The following GPBP1L1 variants were observed in gnomAD, a reference collection of about 807,000 sequenced individuals.
GPBP1L1 encodes the protein GC-rich promoter binding protein 1 like 1, also known as vasculin-like protein 1.
Under a neutral mutation model 52.5 loss-of-function variants are expected in GPBP1L1, and 23 were observed. That is an observed-to-expected ratio of 0.44 (90% CI 0.32 to 0.62). The LOEUF is 0.62. Ranked by LOEUF, GPBP1L1 falls within the 20% of genes least tolerant of loss-of-function variation. The pLI, the probability that GPBP1L1 is intolerant of heterozygous loss-of-function variation, is 0.06. For synonymous variants in GPBP1L1, 243 were observed against 203.1 expected, an observed-to-expected ratio of 1.20 and a Z score of -1.67; for missense variants, 596 against 579.3, an observed-to-expected ratio of 1.03 and a Z score of -0.30.
At chr1:45,643,657 G>GTTTTT (rs1644702864) in intron 6 of GPBP1L1, among the ~76,000 whole-genome samples, 1 of 123,546 alleles carries the variant, frequency 8.1e-6, no homozygotes, top group Admixed American at 8.4e-5. Context: ...TAGGAGAATG[G>GTTTTT]CTTTTTTTTT....
intron 2 of GPBP1L1, among the ~76,000 whole-genome samples, chr1:45,679,983 G>C (rs898335592): frequency 6.6e-6 from 1 of 151,580 alleles, no homozygotes; most frequent in African/African-American, 2.4e-5. Context: ...ATGAAGCTGA[G>C]GTGGGAGGAT....
In GPBP1L1 at chr1:45,627,729, A is replaced by C. The variant is rs546360092; in HGVS notation, c.*527T>G. 2,602 of 139,206 alleles carry C rather than the reference A, an allele frequency of 0.019. 35 individuals carry two copies. Among genetic ancestry groups the C allele is most frequent in the South Asian group, 0.031 (129 of 4,134 alleles). The allele number at this position is 139,206 out of a possible 1,614,324, so 8.6% of individuals were successfully genotyped here. ...CTGTACCCAAAAAGGAAAAAGAAAA[A>C]AAAAACAAAAAAAAACAACCAAAAA... On this transcript the variant is annotated 3_prime_UTR_variant, in exon 13 of 13. Transcript: ENST00000355105.
At chr1:45,667,178 C>G (rs11211158) in intron 2 of GPBP1L1, among the ~76,000 whole-genome samples, 43,324 of 151,764 alleles carry the variant, frequency 0.29, 6,255 homozygotes, top group South Asian at 0.37. Context: ...TTTTTAATTG[C>G]TTATGATGGT....
intron 2 of GPBP1L1, among the ~76,000 whole-genome samples, chr1:45,667,164 C>T (rs1190912072): frequency 1.3e-5 from 2 of 152,100 alleles, no homozygotes; most frequent in Admixed American, 6.5e-5. Context: ...TGGAATTGCA[C>T]ACTTTTTTAA....
chr1:45,657,774 G>C (rs899083996), intron 4 of GPBP1L1, among the ~76,000 whole-genome samples: 5 of 152,132 alleles, frequency 3.3e-5, no homozygotes, highest in Admixed American at 2.6e-4. Context: ...GATTGCTTGA[G>C]CCCGGGAGTT....
chr1:45,649,523 A>C (rs1169253725), intron 6 of GPBP1L1, among the ~76,000 whole-genome samples: 8 of 151,800 alleles, frequency 5.3e-5, no homozygotes, highest in Non-Finnish European at 1.0e-4. Flanking sequence ...TCTTTTGTAG[A>C]ATCCTCAATT....
chr1:45,642,342 TA>T, intron 7 of GPBP1L1, 84 bp downstream of exon 7: 1 of 880,060 alleles, frequency 1.1e-6, no homozygotes, highest in Non-Finnish European at 1.9e-6. Flanking sequence ...AAACAAGAGA[TA>T]AAAAGAGATA....
chr1:45,630,424 A>AG, intron 11 of GPBP1L1, 58 bp downstream of exon 11: 1 of 1,578,016 alleles, frequency 6.3e-7, no homozygotes, highest in Non-Finnish European at 8.6e-7. Flanking sequence ...CTTCTCCAGT[A>AG]TGTTCAAGGT....
At chr1:45,673,408 A>C (rs1414664005) in intron 2 of GPBP1L1, among the ~76,000 whole-genome samples, 1 of 152,174 alleles carries the variant, frequency 6.6e-6, no homozygotes, top group African/African-American at 2.4e-5. Context: ...CACACTTGTA[A>C]GCTACCATGA....
chr1:45,659,348 C>T (rs1644920183), intron 3 of GPBP1L1, among the ~76,000 whole-genome samples: 1 of 152,092 alleles, frequency 6.6e-6, no homozygotes, highest in South Asian at 2.1e-4. Flanking sequence ...CAAAAGAAAA[C>T]TGTAACATGA....
At chr1:45,671,611 G>T (rs1351146811) in intron 2 of GPBP1L1, among the ~76,000 whole-genome samples, 1 of 152,094 alleles carries the variant, frequency 6.6e-6, no homozygotes, top group Admixed American at 6.5e-5. Context: ...TTGAGCTCAG[G>T]AGTTTGAAAT....
At chr1:45,652,057 C>G (rs1394828587) in intron 6 of GPBP1L1, among the ~76,000 whole-genome samples, 1 of 152,242 alleles carries the variant, frequency 6.6e-6, no homozygotes, top group African/African-American at 2.4e-5. Flanking sequence ...ACACTACTAA[C>G]ATTTTAGCCT....
chr1:45,680,608 T>C (rs184481411), intron 2 of GPBP1L1, among the ~76,000 whole-genome samples: 32 of 152,230 alleles, frequency 2.1e-4, no homozygotes, highest in Non-Finnish European at 1.5e-5. Context: ...TAGATGAGCT[T>C]CACTTCCAAT....
At chr1:45,642,708 C>T (rs1181270336) in intron 6 of GPBP1L1, among the ~76,000 whole-genome samples, 3 of 152,130 alleles carry the variant, frequency 2.0e-5, no homozygotes, top group Admixed American at 1.3e-4. Context: ...TTAGGTTCTC[C>T]TGAGTTTCAT....
intron 2 of GPBP1L1, among the ~76,000 whole-genome samples, chr1:45,683,769 A>T (rs1427384499): frequency 1.5e-4 from 20 of 134,306 alleles, no homozygotes; most frequent in Non-Finnish European, 2.6e-4. Flanking sequence ...AAAAAAAAAA[A>T]AAATTAGCTG....
intron 2 of GPBP1L1, among the ~76,000 whole-genome samples, chr1:45,670,134 C>G (rs1395627354): frequency 6.6e-6 from 1 of 152,232 alleles, no homozygotes; most frequent in Non-Finnish European, 1.5e-5. Flanking sequence ...TTTAAGCGTT[C>G]CATCTGCTTT....
chr1:45,682,429 G>C (rs181187863), intron 2 of GPBP1L1, among the ~76,000 whole-genome samples: 6 of 152,158 alleles, frequency 3.9e-5, no homozygotes, highest in African/African-American at 1.4e-4. Flanking sequence ...TGATTCTCTA[G>C]GCTGACCTCT....
rs530108221 is a variant in GPBP1L1, at chr1:45,668,381, C to T, written c.-1097-7156G>A. Among the ~76,000 whole-genome samples the T allele has an allele frequency of 1.6e-4, 25 of 152,236 alleles. No homozygotes were observed. In the East Asian group the frequency reaches 3.9e-3, roughly 24 times the overall value. ...TAAAAACAGAACACCTAGCCAGGTGCAGTGGCTCACGCCTGTCATCTCAGC... is the reference window on the plus strand; with the variant it reads ...TAAAAACAGAACACCTAGCCAGGTGTAGTGGCTCACGCCTGTCATCTCAGC... On this transcript the variant is annotated intron_variant, in intron 2 of 12. Transcript: ENST00000355105.
At chr1:45,639,471 A>C (rs531822725) in intron 8 of GPBP1L1, among the ~76,000 whole-genome samples, 5 of 151,964 alleles carry the variant, frequency 3.3e-5, no homozygotes, top group Admixed American at 3.3e-4. Context: ...TCACGCCCAT[A>C]ATCTCAGCGC....
Sources: gnomAD v4.1 joint callset for allele counts (sites outside exome capture counted in the v4.1 genomes callset) on GRCh38, gnomAD v4.1.1 for gene constraint, MANE v1.5 for transcripts, NCBI Gene and HGNC (gene_info 2026-07-23, HGNC 2026-07-21) for gene names.